CWF19L2: variants seen among roughly 807,000 people sequenced by gnomAD.
CWF19L2 encodes CWF19 like cell cycle control factor 2, also known as CWF19-like protein 2.
In CWF19L2, 98 loss-of-function variants were observed where a neutral mutation model predicts 111.7. The observed-to-expected ratio is 0.88, with a 90% confidence interval of 0.75 to 1.04. CWF19L2 has a LOEUF of 1.04. CWF19L2 is among the 50% of genes least tolerant of loss of function. CWF19L2 has a pLI of 0.00. For missense variants in CWF19L2, 1,101 were observed against 1,051.4 expected, an observed-to-expected ratio of 1.05 and a Z score of -0.65; for synonymous variants, 351 against 342.9, an observed-to-expected ratio of 1.02 and a Z score of -0.26.
At chr11:107,421,344 A>G (rs938899540) in intron 8 of CWF19L2, among the ~76,000 whole-genome samples, 1 of 152,146 alleles carries the variant, frequency 6.6e-6, no homozygotes, top group East Asian at 1.9e-4. Flanking sequence ...ACCTTAAGAA[A>G]GCAGAAAAAG....
intron 12 of CWF19L2, among the ~76,000 whole-genome samples, chr11:107,385,685 G>C (rs1860754395): frequency 6.6e-6 from 1 of 152,202 alleles, no homozygotes; most frequent in Admixed American, 6.5e-5. Flanking sequence ...GAAAATTTCA[G>C]AAATAAACAA....
intron 12 of CWF19L2, among the ~76,000 whole-genome samples, chr11:107,363,496 G>T (rs1196876098): frequency 6.6e-6 from 1 of 150,954 alleles, no homozygotes; most frequent in Admixed American, 6.6e-5. Flanking sequence ...CTACAAGCCA[G>T]AAGAGAGTGG....
At chr11:107,434,899 G>A (rs1420819084) in intron 6 of CWF19L2, among the ~76,000 whole-genome samples, 7 of 151,806 alleles carry the variant, frequency 4.6e-5, no homozygotes, top group Admixed American at 2.0e-4. Context: ...GTACACAAAC[G>A]TTTTCATTTT....
chr11:107,345,491 C>G (rs773058104), intron 14 of CWF19L2: 5 of 460,760 alleles, frequency 1.1e-5, no homozygotes, highest in African/African-American at 1.0e-4. Context: ...TAGATTTTAT[C>G]TGGAGAATAG....
At position 107,336,644 on chromosome 11, in the gene CWF19L2, T is replaced by C; in HGVS notation, c.2272A>G (p.Met758Val). The change falls in exon 15 of 18, where the codon ATG (methionine) becomes GTG (valine). Residue 758 changes from methionine to valine, a missense_variant. Coordinates refer to ENST00000282251, the MANE Select transcript of CWF19L2 (RefSeq NM_152434.3). The stretch of plus-strand genomic sequence containing the variant: ...ATGTGATACTGTTTCTTCATGCTCA[T>C]ATTAGTTTCCAAAAAAATGCAGTCT... Reference protein sequence around the residue: ...GLDCIFLETNMSMKKQYHMVY... With the variant: ...GLDCIFLETNVSMKKQYHMVY... 6.2e-7 allele frequency: 1 copy of C among 1,600,128 alleles called. No homozygotes were observed. The highest frequency in any genetic ancestry group is 1.7e-4 in the Middle Eastern group (1 of 5,968).
In CWF19L2 at chr11:107,454,511, T is replaced by C. The variant is rs1861825685; in HGVS notation, c.278A>G (p.Lys93Arg). Reference protein sequence around the residue: ...DKHSKKAKKEKKKKSKKQKYE... With the variant: ...DKHSKKAKKERKKKSKKQKYE... Reference sequence around the variant, plus strand: ...TTTCTGTTTCTTGCTCTTTTTTTTCTTTTCTTTCTTTGCTTTTTTTGAATG... The same window carrying C: ...TTTCTGTTTCTTGCTCTTTTTTTTCCTTTCTTTCTTTGCTTTTTTTGAATG... The change falls in exon 3 of 18, where the codon AAG becomes AGG. Residue 93 changes from lysine to arginine, a missense_variant. Lys to Arg is a conservative substitution (Grantham distance 26). Coordinates refer to ENST00000282251, the MANE Select transcript of CWF19L2 (RefSeq NM_152434.3). 1.3e-6 allele frequency: 2 copies of C among 1,482,510 alleles called. No individual in the cohort carries two copies. Among genetic ancestry groups the C allele is most frequent in the Admixed American group, 5.2e-5 (2 of 38,204 alleles). 91.8% of individuals were successfully genotyped at this position (1,482,510 alleles called of 1,614,324 possible).
intron 13 of CWF19L2, among the ~76,000 whole-genome samples, chr11:107,350,998 T>C (rs144259912): frequency 3.9e-5 from 6 of 152,302 alleles, no homozygotes; most frequent in South Asian, 2.1e-4. Flanking sequence ...ACAGGAAGAA[T>C]TGGGCCTGTA....
At chr11:107,355,193 G>T (rs974889226) in intron 12 of CWF19L2, among the ~76,000 whole-genome samples, 2 of 152,106 alleles carry the variant, frequency 1.3e-5, no homozygotes, top group African/African-American at 4.8e-5. Flanking sequence ...AAGGCAGGCG[G>T]ATCACGAGGT....
chr11:107,362,459 G>T (rs1162020184), intron 12 of CWF19L2, among the ~76,000 whole-genome samples: 1 of 152,092 alleles, frequency 6.6e-6, no homozygotes, highest in Non-Finnish European at 1.5e-5. Flanking sequence ...GGTTCTCCCA[G>T]CACGCAGCTG....
intron 14 of CWF19L2, among the ~76,000 whole-genome samples, chr11:107,343,183 GTTGT>G (rs1304171182): frequency 6.6e-6 from 1 of 152,160 alleles, no homozygotes; most frequent in East Asian, 1.9e-4. Context: ...TTTCAGTCTG[GTTGT>G]TCCACCAGTT....
At chr11:107,402,998 A>C (rs1475628330) in intron 10 of CWF19L2, among the ~76,000 whole-genome samples, 1 of 150,702 alleles carries the variant, frequency 6.6e-6, no homozygotes, top group Non-Finnish European at 1.5e-5. Context: ...GATGTAACTC[A>C]GGAATGGAAA....
chr11:107,412,385 G>C (rs1379163130), intron 10 of CWF19L2, among the ~76,000 whole-genome samples: 2 of 152,136 alleles, frequency 1.3e-5, no homozygotes, highest in African/African-American at 4.8e-5. Flanking sequence ...CTGCCGCCCA[G>C]GCTGGAGTGT....
intron 14 of CWF19L2, among the ~76,000 whole-genome samples, chr11:107,342,467 T>C (rs669687): frequency 0.81 from 122,479 of 151,960 alleles, 50,036 homozygotes; most frequent in African/African-American, 0.94. Context: ...GGGAATTTTT[T>C]GATTATCTTT....
chr11:107,360,661 T>A (rs893558003), intron 12 of CWF19L2, among the ~76,000 whole-genome samples: 59 of 152,362 alleles, frequency 3.9e-4, no homozygotes, highest in African/African-American at 1.3e-3. Context: ...GTTTTTTAAA[T>A]TTTTAATAGT....
At position 107,346,829 on chromosome 11, in the gene CWF19L2, C is replaced by T. The variant is rs1374699604; in HGVS notation, c.2202+2108G>A. On this transcript the variant is annotated intron_variant, in intron 14 of 17. Coordinates refer to ENST00000282251, the MANE Select transcript of CWF19L2 (RefSeq NM_152434.3). ...TCCAGCCTTCTTCCCCCATTCAGCT[C>T]CCAGAACACTGGCAAGTGGGCTTAG... is the stretch of plus-strand genomic sequence containing the variant. 5.9e-5 allele frequency among the ~76,000 whole-genome samples: 9 copies of T among 152,244 alleles called. No individual in the cohort carries two copies. The East Asian group carries it at 1.7e-3, about 29-fold the overall frequency.
intron 10 of CWF19L2, among the ~76,000 whole-genome samples, chr11:107,405,987 A>G (rs1861072035): frequency 6.6e-6 from 1 of 152,202 alleles, no homozygotes; most frequent in African/African-American, 2.4e-5. Context: ...ATAGAAGTAA[A>G]GCAAAGGAAA....
At chr11:107,411,700 G>A (rs1002367055) in intron 10 of CWF19L2, among the ~76,000 whole-genome samples, 1 of 152,106 alleles carries the variant, frequency 6.6e-6, no homozygotes, top group Non-Finnish European at 1.5e-5. Flanking sequence ...TTAAAATTAA[G>A]TATTCCTTCC....
intron 8 of CWF19L2, 111 bp from the exon 9 acceptor site, chr11:107,418,398 T>C (rs542788924): frequency 2.9e-5 from 21 of 716,420 alleles, no homozygotes; most frequent in East Asian, 1.8e-4. Context: ...TCAGTACCAA[T>C]AGCAGATCAT....
chr11:107,391,548 C>G (rs1860847380), intron 11 of CWF19L2, among the ~76,000 whole-genome samples: 1 of 152,190 alleles, frequency 6.6e-6, no homozygotes, highest in African/African-American at 2.4e-5. Context: ...ACAGCTTTAT[C>G]AAAAGCAAAG....
Sources: allele counts gnomAD v4.1 joint callset (sites outside exome capture counted in the v4.1 genomes callset), GRCh38; gene constraint gnomAD v4.1.1; transcripts MANE v1.5; gene names NCBI Gene and HGNC (gene_info 2026-07-23, HGNC 2026-07-21).